The following AQR variants were observed in gnomAD, a reference collection of about 807,000 sequenced individuals.
AQR encodes RNA helicase aquarius.
Under a neutral mutation model 180.5 loss-of-function variants are expected in AQR, and 61 were observed. The ratio of observed to expected loss-of-function variants is 0.34; its 90% confidence interval spans 0.28 to 0.42. The LOEUF (loss-of-function observed/expected upper bound fraction) is 0.42, where lower values mean the gene tolerates loss of function less well. Among genes scored for constraint, AQR ranks in the 10% least tolerant of loss-of-function variants. AQR has a pLI of 1.00. For missense variants in AQR, 1,281 were observed against 1,798.3 expected (o/e 0.71, Z 5.20); for synonymous variants, 551 against 588.8 (o/e 0.94, Z 0.93).
At chr15:34,865,378 T>C (rs1892726730) in intron 32 of AQR, among the ~76,000 whole-genome samples, 1 of 152,098 alleles carries the variant, frequency 6.6e-6, no homozygotes. Flanking sequence ...CAGCTCCACA[T>C]TGTCCTAAAA....
chr15:34,900,941 C>A lies in AQR; in HGVS notation c.2002-78G>T. 5 of 1,491,970 alleles carry A rather than the reference C, an allele frequency of 3.4e-6. No individual in the cohort carries two copies. The South Asian group carries it at 7.2e-5, about 21-fold the overall frequency. The allele number at this position is 1,491,970 out of a possible 1,614,324, so 92.4% of individuals were successfully genotyped here. A position where few individuals can be genotyped will look rare whatever the true frequency, so the allele number is the denominator to read the frequency against. Reference sequence around the variant, plus strand: ...TGCACTTACTGGAATGCAGAGCTGGCTGCACTAATCCAGAATTCCCGAGTG... The same window carrying A: ...TGCACTTACTGGAATGCAGAGCTGGATGCACTAATCCAGAATTCCCGAGTG... On this transcript the variant is annotated intron_variant, in intron 19 of 34. Transcript: ENST00000156471.
intron 3 of AQR, among the ~76,000 whole-genome samples, chr15:34,957,970 G>GCGGTCAAAGTGGGC: frequency 6.6e-6 from 1 of 152,272 alleles, no homozygotes; most frequent in East Asian, 1.9e-4. Flanking sequence ...AGCACTTTGG[G>GCGGTCAAAGTGGGC]AGGCTGAGGC....
chr15:34,859,574 G>C (rs1197695077), intron 34 of AQR, among the ~76,000 whole-genome samples: 1 of 152,130 alleles, frequency 6.6e-6, no homozygotes, highest in Admixed American at 6.5e-5. Flanking sequence ...ACAAAGACTT[G>C]TATAAGCAAT....
chr15:34,964,470 TA>T, intron 1 of AQR, 180 bp from the exon 2 acceptor site: 2 of 692,050 alleles, frequency 2.9e-6, no homozygotes, highest in Non-Finnish European at 5.4e-6. Context: ...CCCAAACCAC[TA>T]AATGCCAGTA....
intron 34 of AQR, among the ~76,000 whole-genome samples, chr15:34,857,661 G>C (rs1268686636): frequency 6.6e-6 from 1 of 152,176 alleles, no homozygotes; most frequent in Non-Finnish European, 1.5e-5. Flanking sequence ...TGAGGCAGGA[G>C]AATCACTTGA....
intron 14 of AQR, among the ~76,000 whole-genome samples, chr15:34,919,331 G>A (rs1252364791): frequency 6.6e-6 from 1 of 151,722 alleles, no homozygotes; most frequent in Non-Finnish European, 1.5e-5. Flanking sequence ...ATTCTCTTCA[G>A]TGAAGATAGT....
intron 14 of AQR, among the ~76,000 whole-genome samples, chr15:34,918,807 A>G (rs1893638062): frequency 6.6e-6 from 1 of 152,262 alleles, no homozygotes; most frequent in African/African-American, 2.4e-5. Flanking sequence ...GTTTTGGACT[A>G]TAGTTTTCAT....
At chr15:34,894,873 G>T (rs1893208204) in intron 22 of AQR, among the ~76,000 whole-genome samples, 1 of 151,562 alleles carries the variant, frequency 6.6e-6, no homozygotes, top group Admixed American at 6.6e-5. Flanking sequence ...TATAATGAAA[G>T]AATATGATAG....
At chr15:34,922,433 TAAG>T (rs1257171623) in intron 13 of AQR, among the ~76,000 whole-genome samples, 1 of 152,230 alleles carries the variant, frequency 6.6e-6, no homozygotes. Context: ...TTTACCTTTA[TAAG>T]AAACTCAAAT....
rs768205169 is a variant in AQR, at chr15:34,920,357, T to A, written c.1196A>T (p.Asp399Val). The A allele has an allele frequency of 6.2e-7, 1 of 1,612,134 alleles. No individual in the cohort carries two copies. The highest frequency in any genetic ancestry group is 1.1e-5 in the South Asian group (1 of 90,814). ...TLPKNEDTTF[D>V]KEFLLELLVS... ...CAGCAATTCTAGAAGAAATTCTTTA[T>A]CAAAAGTTGTGTCTTCATTTTTAGG... Residue 399 changes from aspartate to valine, a missense_variant, in exon 14 of 35, where the codon GAT becomes GTT. Coordinates refer to ENST00000156471, the MANE Select transcript of AQR (RefSeq NM_014691.3).
chr15:34,881,799 G>GT lies in AQR; in HGVS notation c.3165+702dup, dbSNP rs200008371. ...ATGTCTAATAGATGAAAACCACTTT[G>GT]TTTTTTTTTGTTTGATTTTGTTTTG... On this transcript the variant is annotated intron_variant, in intron 27 of 34. Coordinates refer to ENST00000156471, the MANE Select transcript of AQR (RefSeq NM_014691.3). Among the ~76,000 whole-genome samples the GT allele has an allele frequency of 5.1e-3, 772 of 150,798 alleles. 3 individuals carry two copies. The highest frequency in any genetic ancestry group is 7.6e-3 in the Non-Finnish European group (515 of 67,562).
chr15:34,953,193 G>A (rs538306427), intron 3 of AQR, among the ~76,000 whole-genome samples: 3 of 152,228 alleles, frequency 2.0e-5, no homozygotes, highest in African/African-American at 4.8e-5. Flanking sequence ...AAAATCAGAC[G>A]TTTCACTTGC....
At chr15:34,966,318 T>C (rs1453641411) in intron 1 of AQR, among the ~76,000 whole-genome samples, 1 of 152,152 alleles carries the variant, frequency 6.6e-6, no homozygotes, top group Non-Finnish European at 1.5e-5. Context: ...GCTCAGAAAT[T>C]AAATTAAAAA....
chr15:34,934,703 C>T, intron 9 of AQR, 68 bp from the exon 10 acceptor site: 1 of 1,055,166 alleles, frequency 9.5e-7, no homozygotes. Context: ...TTTCTGAAAA[C>T]TGGCAGTTAT....
rs1301448158 is a variant in AQR, at chr15:34,854,913, C to A, written c.*1879G>T. 1 of 152,204 alleles carries A rather than the reference C, an allele frequency of 6.6e-6. No homozygotes were observed. The highest frequency in any genetic ancestry group is 2.4e-5 in the African/African-American group (1 of 41,466). 9.4% of individuals were successfully genotyped at this position (152,204 alleles called of 1,614,324 possible). A position where few individuals can be genotyped will look rare whatever the true frequency, so the allele number is the denominator to read the frequency against. On this transcript the variant is annotated 3_prime_UTR_variant, in exon 35 of 35. Coordinates refer to ENST00000156471, the MANE Select transcript of AQR (RefSeq NM_014691.3). The stretch of plus-strand genomic sequence containing the variant: ...GAAAGATGGTAATACAGTAAAGCTT[C>A]TTTCCCTTGCTTGGCCTGATACCAA...
chr15:34,944,941 C>T (rs1043294432), intron 5 of AQR, among the ~76,000 whole-genome samples: 2 of 152,186 alleles, frequency 1.3e-5, no homozygotes, highest in African/African-American at 4.8e-5. Context: ...ATGCTCCAAG[C>T]GTGTGGTCTA....
chr15:34,933,599 A>G (rs1039374270), intron 10 of AQR, among the ~76,000 whole-genome samples: 3 of 152,192 alleles, frequency 2.0e-5, no homozygotes, highest in Non-Finnish European at 4.4e-5. Context: ...CACTACAGAA[A>G]ACTCTGTATG....
In AQR at chr15:34,856,325, C is replaced by A. The variant is rs1892585382; in HGVS notation, c.*467G>T. The A allele has an allele frequency of 5.2e-6, 2 of 383,506 alleles. No homozygotes were observed. Among genetic ancestry groups the A allele is most frequent in the East Asian group, 3.7e-5 (1 of 26,982 alleles). 23.8% of individuals were successfully genotyped at this position (383,506 alleles called of 1,614,324 possible). On this transcript the variant is annotated 3_prime_UTR_variant, in exon 35 of 35. Coordinates refer to ENST00000156471, the MANE Select transcript of AQR (RefSeq NM_014691.3). ...ACCTGTATCTTACTGCTAATAATAT[C>A]TTTACATAAAGACAGCAAACAAAGG...
intron 16 of AQR, among the ~76,000 whole-genome samples, chr15:34,914,790 C>G (rs578043178): frequency 6.6e-6 from 1 of 152,156 alleles, no homozygotes; most frequent in Non-Finnish European, 1.5e-5. Context: ...TTGAGCATGA[C>G]GACTTCTTCT....
Sources: gnomAD v4.1 joint callset for allele counts (sites outside exome capture counted in the v4.1 genomes callset) on GRCh38, gnomAD v4.1.1 for gene constraint, MANE v1.5 for transcripts, NCBI Gene and HGNC (gene_info 2026-07-23, HGNC 2026-07-21) for gene names.